Variants in ADAMTS19 observed in about 807,000 individuals in gnomAD.
ADAMTS19 encodes the protein ADAM metallopeptidase with thrombospondin type 1 motif 19.
Under a neutral mutation model 153.3 loss-of-function variants are expected in ADAMTS19, and 93 were observed. The ratio of observed to expected loss-of-function variants is 0.61; its 90% CI spans 0.51 to 0.72. The LOEUF is 0.72. Ranked by LOEUF, ADAMTS19 falls within the 30% of genes least tolerant of loss-of-function variation. The pLI, the probability that ADAMTS19 is intolerant of heterozygous loss-of-function variation, is 0.00. For missense variants in ADAMTS19, 1,482 were observed against 1,552.1 expected, an observed-to-expected ratio of 0.95 and a Z score of 0.76; for synonymous variants, 600 against 556.6, an observed-to-expected ratio of 1.08 and a Z score of -1.10.
At chr5:129,657,261 C>A (rs551262936) in intron 14 of ADAMTS19, among the ~76,000 whole-genome samples, 4 of 152,138 alleles carry the variant, frequency 2.6e-5, no homozygotes, top group Admixed American at 6.5e-5. Flanking sequence ...ATTCATCCTG[C>A]GGCTGCATTT....
chr5:129,575,680 A>T (rs568898167), intron 7 of ADAMTS19, among the ~76,000 whole-genome samples: 2 of 152,162 alleles, frequency 1.3e-5, no homozygotes, highest in East Asian at 3.9e-4. Context: ...TAGTGTTCCC[A>T]TTACTGATTT....
chr5:129,716,644 C>T (rs1756745082), intron 21 of ADAMTS19, among the ~76,000 whole-genome samples: 2 of 150,954 alleles, frequency 1.3e-5, no homozygotes, highest in South Asian at 4.2e-4. Context: ...CTATCCTTGG[C>T]ACTTCTTCCT....
intron 6 of ADAMTS19, among the ~76,000 whole-genome samples, chr5:129,551,052 C>A (rs755623553): frequency 6.6e-6 from 1 of 151,682 alleles, no homozygotes; most frequent in African/African-American, 2.4e-5. Context: ...CATGTTAAAT[C>A]ATTTAAATTG....
chr5:129,652,134 A>T (rs1401725103), intron 13 of ADAMTS19, among the ~76,000 whole-genome samples: 1 of 152,230 alleles, frequency 6.6e-6, no homozygotes, highest in Non-Finnish European at 1.5e-5. Flanking sequence ...ATATCATCAA[A>T]ATAATCCACA....
At chr5:129,598,841 A>C (rs1338075477) in intron 8 of ADAMTS19, among the ~76,000 whole-genome samples, 1 of 152,172 alleles carries the variant, frequency 6.6e-6, no homozygotes, top group African/African-American at 2.4e-5. Context: ...ATCCATGCAT[A>C]TCCAAGTCCA....
chr5:129,569,669 G>A (rs1230601406), intron 7 of ADAMTS19, among the ~76,000 whole-genome samples: 3 of 151,986 alleles, frequency 2.0e-5, no homozygotes. Context: ...CAAAAAGATA[G>A]CAGGAAAATG....
chr5:129,556,722 A>G (rs1753326010), intron 7 of ADAMTS19, among the ~76,000 whole-genome samples: 1 of 152,202 alleles, frequency 6.6e-6, no homozygotes, highest in African/African-American at 2.4e-5. Context: ...AGACAGAGAT[A>G]CAATATGAAA....
rs564898683 is a variant in ADAMTS19, at chr5:129,461,341, C to G, written c.331C>G (p.Pro111Ala). 2.4e-5 allele frequency: 32 copies of G among 1,333,050 alleles called. No homozygotes were observed. The highest frequency in any genetic ancestry group is 2.9e-5 in the Non-Finnish European group (30 of 1,050,876). The allele number at this position is 1,333,050 out of a possible 1,614,324, so 82.6% of individuals were successfully genotyped here. Residue 111 changes from proline (P) to alanine (A), a missense_variant, in exon 2 of 23, where the codon CCC becomes GCC. Pro to Ala is a conservative substitution (Grantham distance 27). Coordinates refer to ENST00000274487, the MANE Select transcript of ADAMTS19 (RefSeq NM_133638.6). The surrounding 1 kb of genome is among the most constrained non-coding windows in gnomAD (Gnocchi z 4.6). ...VEGRSESRLR[P>A]PPPSEGEEDE... ...GGGCCGATCAGAGTCCCGGCTCCGG[C>G]CCCCGCCGCCGTCGGAGGGTGAGGA...
At chr5:129,564,509 T>C (rs1753636733) in intron 7 of ADAMTS19, among the ~76,000 whole-genome samples, 2 of 152,190 alleles carry the variant, frequency 1.3e-5, no homozygotes, top group African/African-American at 2.4e-5. Flanking sequence ...AGAAAATGTT[T>C]GTTAAGAAAT....
intron 21 of ADAMTS19, among the ~76,000 whole-genome samples, chr5:129,717,562 T>G (rs990590912): frequency 1.3e-5 from 2 of 152,202 alleles, no homozygotes; most frequent in Admixed American, 1.3e-4. Context: ...AACAGAATAC[T>G]TGAGACCAAA....
rs1749682965 is a variant in ADAMTS19 at position 129,461,836 on chromosome 5, C to A, written c.747+79C>A. ...CCCATAGGTCAGGATGATTTGCATGCACCTTCTCCCCTTTCAGTGTGCTCC... is the reference window on the plus strand; with the variant it reads ...CCCATAGGTCAGGATGATTTGCATGAACCTTCTCCCCTTTCAGTGTGCTCC... On this transcript the variant is annotated intron_variant, in intron 2 of 22. Transcript: ENST00000274487. The surrounding 1 kb of genome is among the most constrained non-coding windows in gnomAD (Gnocchi z 4.6). 1.4e-6 allele frequency: 2 copies of A among 1,442,020 alleles called. No homozygotes were observed. Among genetic ancestry groups the A allele is most frequent in the Non-Finnish European group, 1.8e-6 (2 of 1,105,660 alleles). The allele number at this position is 1,442,020 out of a possible 1,614,324, so 89.3% of individuals were successfully genotyped here. A position where few individuals can be genotyped will look rare whatever the true frequency, so the allele number is the denominator to read the frequency against.
intron 7 of ADAMTS19, among the ~76,000 whole-genome samples, chr5:129,560,228 A>G (rs1214339650): frequency 3.9e-5 from 6 of 152,204 alleles, no homozygotes; most frequent in Admixed American, 2.0e-4. Flanking sequence ...TTTTAATGCC[A>G]TTTGTTCTAC....
At chr5:129,553,251 G>A (rs376329140) in intron 7 of ADAMTS19, among the ~76,000 whole-genome samples, 49 of 152,082 alleles carry the variant, frequency 3.2e-4, no homozygotes, top group Non-Finnish European at 5.4e-4. Context: ...CAACTCAGGC[G>A]CCATCTTCCA....
chr5:129,586,171 C>T (rs1310681072), intron 7 of ADAMTS19, among the ~76,000 whole-genome samples: 2 of 152,186 alleles, frequency 1.3e-5, no homozygotes, highest in African/African-American at 4.8e-5. Context: ...ACCTTACATT[C>T]ACACATTACT....
chr5:129,476,056 G>T (rs1307090310), intron 2 of ADAMTS19, among the ~76,000 whole-genome samples: 1 of 151,968 alleles, frequency 6.6e-6, no homozygotes, highest in African/African-American at 2.4e-5. Flanking sequence ...TATTACTAGA[G>T]AATTGGTAGG....
chr5:129,701,709 T>A, intron 20 of ADAMTS19, 117 bp downstream of exon 20: 2 of 1,084,260 alleles, frequency 1.8e-6, no homozygotes, highest in Non-Finnish European at 2.5e-6. Context: ...TACTATTTAT[T>A]AATTTTGTTG....
At chr5:129,695,886 T>C (rs1459411353) in intron 19 of ADAMTS19, among the ~76,000 whole-genome samples, 1 of 152,180 alleles carries the variant, frequency 6.6e-6, no homozygotes, top group African/African-American at 2.4e-5. Context: ...AATGGCTTCA[T>C]GGTGAATTAA....
intron 6 of ADAMTS19, among the ~76,000 whole-genome samples, chr5:129,535,616 C>A (rs1581052595): frequency 6.6e-6 from 1 of 152,178 alleles, no homozygotes; most frequent in East Asian, 1.9e-4. Flanking sequence ...CAATCCTAAG[C>A]CAAAAGAACA....
chr5:129,701,645 A>G, intron 20 of ADAMTS19, 53 bp downstream of exon 20: 1 of 1,584,620 alleles, frequency 6.3e-7, no homozygotes, highest in South Asian at 1.1e-5. Flanking sequence ...CCTAGCTTGT[A>G]CAAGATCAGG....
Sources: allele counts gnomAD v4.1 joint callset (sites outside exome capture counted in the v4.1 genomes callset), GRCh38; gene constraint gnomAD v4.1.1; non-coding constraint Gnocchi (gnomAD v3.1); transcripts MANE v1.5; gene names NCBI Gene and HGNC (gene_info 2026-07-23, HGNC 2026-07-21).